The following SLC66A2 variants were observed in gnomAD, a reference collection of about 807,000 sequenced individuals.
SLC66A2 encodes the protein solute carrier family 66 member 2.
Under a neutral mutation model 25.5 loss-of-function variants are expected in SLC66A2, and 23 were observed. The observed-to-expected ratio is 0.90, with a 90% confidence interval of 0.65 to 1.28. The LOEUF is 1.28. Among genes scored for constraint, SLC66A2 ranks in the 50% most tolerant of loss-of-function variants. SLC66A2 has a pLI of 0.00. For synonymous variants in SLC66A2, 193 were observed against 166.5 expected (o/e 1.16, Z -1.23); for missense variants, 396 against 373.1 (o/e 1.06, Z -0.51).
chr18:79,944,448 G>C (rs1469069125), intron 2 of SLC66A2: 1 of 152,386 alleles, frequency 6.6e-6, no homozygotes, highest in Non-Finnish European at 1.5e-5. Flanking sequence ...TTTTGACCAG[G>C]GTTGAGCATC....
intron 3 of SLC66A2, among the ~76,000 whole-genome samples, chr18:79,936,870 A>G (rs1987143895): frequency 6.6e-6 from 1 of 152,104 alleles, no homozygotes; most frequent in African/African-American, 2.4e-5. Flanking sequence ...CACCCCCAAT[A>G]AAACAAACGT....
At chr18:79,925,035 G>C (rs756558684) in intron 4 of SLC66A2, 1 of 152,362 alleles carries the variant, frequency 6.6e-6, no homozygotes, top group Admixed American at 6.5e-5. Flanking sequence ...GACACCTGGT[G>C]GGCATGGTGA....
At position 79,941,598 on chromosome 18, in the gene SLC66A2, T is replaced by G. The variant is rs1254904997; in HGVS notation, c.337+1731A>C. The G allele has an allele frequency of 6.6e-6, 1 of 152,144 alleles. No homozygotes were observed. Among genetic ancestry groups the G allele is most frequent in the Non-Finnish European group, 1.5e-5 (1 of 68,034 alleles). The allele number at this position is 152,144 out of a possible 1,614,324, so 9.4% of individuals were successfully genotyped here. On this transcript the variant is annotated intron_variant, in intron 3 of 5. Transcript: ENST00000397778. This position sits in a 1 kb window ranked among gnomAD's most constrained non-coding sequence, Gnocchi z 4.1. ...GGCATCCACCATCCCACTCCCTTCT[T>G]ATCCAACGGTCCTCTGAGACAAGCC... is the stretch of plus-strand genomic sequence containing the variant.
intron 4 of SLC66A2, among the ~76,000 whole-genome samples, chr18:79,933,534 G>A (rs2144879885): frequency 6.6e-6 from 1 of 152,330 alleles, no homozygotes; most frequent in East Asian, 1.9e-4. Flanking sequence ...AACCAGTTCA[G>A]CAGAATTGCA....
intron 5 of SLC66A2, among the ~76,000 whole-genome samples, chr18:79,907,334 GT>G (rs57635823): frequency 5.0e-4 from 59 of 116,892 alleles, no homozygotes; most frequent in East Asian, 3.1e-3. Flanking sequence ...TCTTTGTATA[GT>G]TTTTTTTTTT....
intron 5 of SLC66A2, among the ~76,000 whole-genome samples, chr18:79,911,143 C>G (rs969867268): frequency 1.3e-5 from 2 of 152,220 alleles, no homozygotes; most frequent in Admixed American, 1.3e-4. Flanking sequence ...GGAGGGAAAT[C>G]GGGGGTCGGG....
intron 5 of SLC66A2, among the ~76,000 whole-genome samples, chr18:79,914,706 G>A (rs916589975): frequency 6.6e-6 from 1 of 152,272 alleles, no homozygotes; most frequent in African/African-American, 2.4e-5. Flanking sequence ...TGGGGACCCT[G>A]TGCCCCACAG....
At chr18:79,931,457 C>T (rs755929689) in intron 4 of SLC66A2, among the ~76,000 whole-genome samples, 30 of 151,976 alleles carry the variant, frequency 2.0e-4, no homozygotes, top group Admixed American at 4.6e-4. Context: ...TATGCATATA[C>T]GTCCCTAACA....
chr18:79,937,787 T>C lies in SLC66A2; in HGVS notation c.338-3765A>G, dbSNP rs563268210. Among the ~76,000 whole-genome samples the C allele has an allele frequency of 6.6e-6, 1 of 152,278 alleles. No homozygotes were observed. The highest frequency in any genetic ancestry group is 2.1e-4 in the South Asian group (1 of 4,834). ...GAGCCAAGGACAGAACACCTTGTCC[T>C]TGTCCACATCCCAGGGACATAAAGA... On this transcript the variant is annotated intron_variant, in intron 3 of 5. Transcript: ENST00000397778. This position sits in a 1 kb window ranked among gnomAD's most constrained non-coding sequence, Gnocchi z 5.4.
At chr18:79,913,896 C>T (rs35602283) in intron 5 of SLC66A2, among the ~76,000 whole-genome samples, 3,404 of 152,292 alleles carry the variant, frequency 0.022, 46 homozygotes, top group African/African-American at 0.036. Flanking sequence ...GCTCATGTCA[C>T]CATTCGCCAC....
chr18:79,911,191 G>A (rs1212078672), intron 5 of SLC66A2, among the ~76,000 whole-genome samples: 4 of 152,248 alleles, frequency 2.6e-5, no homozygotes, highest in Non-Finnish European at 5.9e-5. Flanking sequence ...GCAGAGCCCA[G>A]GCCCATTCGG....
At chr18:79,945,491 AG>A (rs1323727658) in intron 2 of SLC66A2, among the ~76,000 whole-genome samples, 1 of 152,166 alleles carries the variant, frequency 6.6e-6, no homozygotes, top group African/African-American at 2.4e-5. Context: ...CCAGGTCAGC[AG>A]GGGCCACCAC....
At chr18:79,910,443 C>A (rs867064530) in intron 5 of SLC66A2, among the ~76,000 whole-genome samples, 1 of 135,774 alleles carries the variant, frequency 7.4e-6, no homozygotes, top group Non-Finnish European at 1.6e-5. Context: ...CTTCCCCACA[C>A]CCTCACCATA....
chr18:79,909,640 A>AG (rs2123207939), intron 5 of SLC66A2, among the ~76,000 whole-genome samples: 3 of 75,328 alleles, frequency 4.0e-5, no homozygotes, highest in Non-Finnish European at 7.9e-5. Context: ...AACCTTCCCC[A>AG]CATCCTCACC....
intron 5 of SLC66A2, among the ~76,000 whole-genome samples, chr18:79,908,545 T>TG (rs1355644821): frequency 6.6e-6 from 1 of 152,240 alleles, no homozygotes; most frequent in Non-Finnish European, 1.5e-5. Context: ...CTTACATCTA[T>TG]GTTTGTCTTT....
Position 79,940,870 on chromosome 18 carries a change from C to T in SLC66A2, c.337+2459G>A, listed in dbSNP as rs574652357. 6.9e-4 allele frequency among the ~76,000 whole-genome samples: 105 copies of T among 152,234 alleles called. 1 individual carries two copies. The highest frequency in any genetic ancestry group is 2.5e-3 in the African/African-American group (102 of 41,530). On this transcript the variant is annotated intron_variant, in intron 3 of 5. Transcript: ENST00000397778. This position sits in a 1 kb window ranked among gnomAD's most constrained non-coding sequence, Gnocchi z 4.1. Reference sequence around the variant, plus strand: ...CACCCCAGGACACAGAGCTCAAGAGCGGATGTCCCACTTGAGGTCATTTGG... The same window carrying T: ...CACCCCAGGACACAGAGCTCAAGAGTGGATGTCCCACTTGAGGTCATTTGG...
At chr18:79,950,598 G>A (rs2051084221) in intron 2 of SLC66A2, 126 bp downstream of exon 2, 2 of 855,202 alleles carry the variant, frequency 2.3e-6, no homozygotes, top group Admixed American at 2.2e-5. Context: ...CCCCATCCAC[G>A]GCAGAGTGGG....
In SLC66A2 at chr18:79,904,810, G is replaced by C. The variant is rs559887644; in HGVS notation, c.609-627C>G. ...CCCCCACCGCTGTGTTCATGCCCTG[G>C]CTTGCCTAGCAGTGAACATGAGTGC... is the stretch of plus-strand genomic sequence containing the variant. On this transcript the variant is annotated intron_variant, in intron 5 of 5. Coordinates refer to ENST00000397778, the MANE Select transcript of SLC66A2 (RefSeq NM_025078.5). The surrounding 1 kb of genome is among the most constrained non-coding windows in gnomAD (Gnocchi z 6.3). Among the ~76,000 whole-genome samples, 47 of 152,324 alleles carry C rather than the reference G, an allele frequency of 3.1e-4. No homozygotes were observed. Among genetic ancestry groups the C allele is most frequent in the African/African-American group, 1.1e-3 (45 of 41,578 alleles).
chr18:79,919,359 C>A lies in SLC66A2; in HGVS notation c.433G>T (p.Asp145Tyr), dbSNP rs866610393. The A allele has an allele frequency of 6.2e-7, 1 of 1,613,250 alleles. No homozygotes were observed. The highest frequency in any genetic ancestry group is 2.2e-5 in the East Asian group (1 of 44,888). ...HHFWQWSSFS[D>Y]YVQCVLAFTG... ...AAGGCCAGGACGCACTGCACGTAGTCCGAGAAGCTGCTCCACTGCCAGAAG... is the reference window on the plus strand; with the variant it reads ...AAGGCCAGGACGCACTGCACGTAGTACGAGAAGCTGCTCCACTGCCAGAAG... The change falls in exon 5 of 6, where the codon GAC becomes TAC. Residue 145 changes from aspartate (D) to tyrosine (Y), a missense_variant. Transcript: ENST00000397778.
Sources: gnomAD v4.1 joint callset for allele counts (sites outside exome capture counted in the v4.1 genomes callset) on GRCh38, gnomAD v4.1.1 for gene constraint, Gnocchi (gnomAD v3.1) non-coding constraint, MANE v1.5 for transcripts, NCBI Gene and HGNC (gene_info 2026-07-23, HGNC 2026-07-21) for gene names.